CPAP: variants seen among roughly 807,000 people sequenced by gnomAD.
The protein encoded by CPAP is centrosomal P4.1-associated protein.
the CPAP span, chr13:24,889,482 G>C: frequency 3.8e-5 from 35 of 932,708 alleles, no homozygotes; most frequent in Non-Finnish European, 5.6e-5. Context: ...AACTCAGCTA[G>C]TGCTAAGAAT....
the CPAP span, among the ~76,000 whole-genome samples, chr13:24,920,359 T>C: frequency 1.3e-5 from 2 of 152,242 alleles, no homozygotes; most frequent in Non-Finnish European, 2.9e-5. Context: ...GTTTTTGCCA[T>C]CGCTCCCTGG....
the CPAP span, chr13:24,922,852 T>C: frequency 6.5e-6 from 1 of 152,854 alleles, no homozygotes; most frequent in Non-Finnish European, 1.5e-5. Context: ...GCCGCCTCTG[T>C]CGGAGCCCCG....
At chr13:24,923,186 G>A in the CPAP span, among the ~76,000 whole-genome samples, 9 of 152,192 alleles carry the variant, frequency 5.9e-5, no homozygotes, top group African/African-American at 1.9e-4. Flanking sequence ...CAGGGAGCAC[G>A]GAGAGTCAAA....
the CPAP span, among the ~76,000 whole-genome samples, chr13:24,927,273 T>C: frequency 6.6e-6 from 1 of 152,154 alleles, no homozygotes; most frequent in Admixed American, 6.5e-5. Flanking sequence ...CTGACATGGC[T>C]GTCTCAAGAT....
chr13:24,904,953 C>G, the CPAP span, among the ~76,000 whole-genome samples: 8 of 152,060 alleles, frequency 5.3e-5, no homozygotes, highest in Non-Finnish European at 1.0e-4. Context: ...TTATCATAAG[C>G]AAGGTGCAGG....
the CPAP span, among the ~76,000 whole-genome samples, chr13:24,928,444 T>G: frequency 6.6e-6 from 1 of 152,222 alleles, no homozygotes; most frequent in African/African-American, 2.4e-5. Flanking sequence ...AGTTTCTTAT[T>G]TTTGAGACGG....
chr13:24,887,791 A>G, the CPAP span, among the ~76,000 whole-genome samples: 1 of 152,314 alleles, frequency 6.6e-6, no homozygotes, highest in South Asian at 2.1e-4. Flanking sequence ...CTGATGCCAA[A>G]AAGGTTGGGG....
chr13:24,929,010 T>C, the CPAP span, among the ~76,000 whole-genome samples: 1 of 145,778 alleles, frequency 6.9e-6, no homozygotes, highest in African/African-American at 2.6e-5. Flanking sequence ...TTGCTTTCTT[T>C]AAAAATAACA....
At chr13:24,905,601 G>C in the CPAP span, 1 of 1,614,140 alleles carries the variant, frequency 6.2e-7, no homozygotes, top group South Asian at 1.1e-5. Flanking sequence ...TCATTCCCAA[G>C]AACAACATCA....
the CPAP span, among the ~76,000 whole-genome samples, chr13:24,909,525 C>CAA: frequency 2.6e-5 from 3 of 115,648 alleles, no homozygotes; most frequent in South Asian, 3.2e-4. Context: ...GAGACTGTCT[C>CAA]AAAAAAAAAA....
the CPAP span, chr13:24,909,894 AAGAC>A: frequency 1.9e-6 from 3 of 1,614,112 alleles, no homozygotes; most frequent in Non-Finnish European, 2.5e-6. Flanking sequence ...TTTTGAAGTT[AAGAC>A]AAAATCTCCA....
At chr13:24,896,754 G>A in the CPAP span, among the ~76,000 whole-genome samples, 1 of 152,188 alleles carries the variant, frequency 6.6e-6, no homozygotes, top group African/African-American at 2.4e-5. Context: ...GGTCTAAGGA[G>A]GTTATTTATT....
At chr13:24,891,543 G>C in the CPAP span, among the ~76,000 whole-genome samples, 1 of 152,092 alleles carries the variant, frequency 6.6e-6, no homozygotes, top group South Asian at 2.1e-4. Flanking sequence ...GGCCATTCCT[G>C]ACTCCTTCCT....
At chr13:24,912,663 G>C in the CPAP span, 2 of 1,612,650 alleles carry the variant, frequency 1.2e-6, no homozygotes, top group Admixed American at 3.4e-5. Flanking sequence ...AGTCATTTTT[G>C]TTTTCTTCCT....
the CPAP span, chr13:24,903,908 T>C: frequency 4.3e-6 from 7 of 1,613,846 alleles, no homozygotes; most frequent in African/African-American, 1.3e-5. Flanking sequence ...TTTTCCCAAC[T>C]TACAGACCCA....
the CPAP span, chr13:24,924,622 C>T: frequency 6.6e-6 from 1 of 152,182 alleles, no homozygotes; most frequent in Non-Finnish European, 1.5e-5. Context: ...ATCAGTGGTT[C>T]CTATCCTTGT....
chr13:24,920,184 G>A, the CPAP span, among the ~76,000 whole-genome samples: 1 of 152,120 alleles, frequency 6.6e-6, no homozygotes, highest in Non-Finnish European at 1.5e-5. Context: ...TCATTCCCCT[G>A]TATAATACAC....
chr13:24,892,532 G>GCC, the CPAP span: 2 of 830,590 alleles, frequency 2.4e-6, no homozygotes, highest in African/African-American at 3.3e-5. Context: ...ACTCCCCACT[G>GCC]CCCCCCCAGC....
chr13:24,897,355 G>T, the CPAP span, among the ~76,000 whole-genome samples: 1 of 152,178 alleles, frequency 6.6e-6, no homozygotes, highest in African/African-American at 2.4e-5. Context: ...ATCCATCCTA[G>T]AGATATACTC....
Sources: allele counts gnomAD v4.1 joint callset (sites outside exome capture counted in the v4.1 genomes callset), GRCh38; gene constraint gnomAD v4.1.1; transcripts MANE v1.5; gene names NCBI Gene and HGNC (gene_info 2026-07-23, HGNC 2026-07-21).